NEIL1: variants seen among roughly 807,000 people sequenced by gnomAD.
NEIL1 encodes nei like DNA glycosylase 1, also known as endonuclease 8-like 1.
A neutral mutation model predicts 44.2 loss-of-function variants in NEIL1; 31 were observed. The ratio of observed to expected loss-of-function variants is 0.70; its 90% confidence interval spans 0.53 to 0.95. The LOEUF (loss-of-function observed/expected upper bound fraction) is 0.95, where lower values mean the gene tolerates loss of function less well. Among genes scored for constraint, NEIL1 ranks in the 40% least tolerant of loss-of-function variants. NEIL1 has a pLI of 0.00. For synonymous variants in NEIL1, 254 were observed against 209.7 expected (o/e 1.21, Z -1.83); for missense variants, 549 against 515.5 (o/e 1.07, Z -0.63).
intron 6 of NEIL1, 191 bp from the exon 7 acceptor site, chr15:75,354,059 A>T: frequency 9.8e-7 from 1 of 1,025,164 alleles, no homozygotes; most frequent in Non-Finnish European, 1.4e-6. Flanking sequence ...CAAGGCAGGT[A>T]GCCCAAGTGA....
In NEIL1 at chr15:75,352,979, A is replaced by C. The variant is rs986631523; in HGVS notation, c.718+278A>C. The C allele has an allele frequency of 6.9e-5, 23 of 332,012 alleles. No individual in the cohort carries two copies. The Admixed American group carries it at 1.0e-3, about 15-fold the overall frequency. 20.6% of individuals were successfully genotyped at this position (332,012 alleles called of 1,614,324 possible). ...ACATGGTGAAACCCCATCTCTACTA[A>C]AAATGCAAAAAATTAGCCAGGTGTG... On this transcript the variant is annotated intron_variant, in intron 5 of 9. Coordinates refer to ENST00000355059, the MANE Select transcript of NEIL1 (RefSeq NM_024608.4).
In NEIL1 at chr15:75,352,684, A is replaced by C; in HGVS notation, c.701A>C (p.Lys234Thr). Residue 234 changes from lysine (K) to threonine (T), a missense_variant, in exon 5 of 10, where the codon AAG becomes ACG. By Grantham distance (78) the Lys-to-Thr change is moderately conservative. Coordinates refer to ENST00000355059, the MANE Select transcript of NEIL1 (RefSeq NM_024608.4). ...CTGGAGCTATGTCACTCAGTGCCCA[A>C]GGAAGTGGTCCAGTTGGGTGAGGCC... ...DLLELCHSVPKEVVQLGGKGY... is the reference protein window; with the variant it reads ...DLLELCHSVPTEVVQLGGKGY... 6.2e-7 allele frequency: 1 copy of C among 1,612,180 alleles called. No homozygotes were observed. The highest frequency in any genetic ancestry group is 8.5e-7 in the Non-Finnish European group (1 of 1,179,080).
At chr15:75,354,330 G>A (rs1470747704) in intron 7 of NEIL1, 53 bp downstream of exon 7, 2 of 1,611,832 alleles carry the variant, frequency 1.2e-6, no homozygotes, top group Non-Finnish European at 1.7e-6. Flanking sequence ...CTTCACGCCT[G>A]CAAGGGCTAC....
chr15:75,354,708 T>A lies in NEIL1; in HGVS notation c.992T>A (p.Leu331His), dbSNP rs1308925537. 6.2e-7 allele frequency: 1 copy of A among 1,614,052 alleles called. No individual in the cohort carries two copies. The highest frequency in any genetic ancestry group is 8.5e-7 in the Non-Finnish European group (1 of 1,180,034). The stretch of plus-strand genomic sequence containing the variant: ...AGGACACGAAGGGCAAAGAGAGACC[T>A]TCCTAAGAGGACTGCAACCCAGCGG... ...PSRTRRAKRD[L>H]PKRTATQRPE... The change falls in exon 9 of 10, where the codon CTT becomes CAT. Residue 331 changes from leucine to histidine, a missense_variant. Leu to His is a moderately conservative substitution (Grantham distance 99). Coordinates refer to ENST00000355059, the MANE Select transcript of NEIL1 (RefSeq NM_024608.4).
In NEIL1 at chr15:75,356,874, G is replaced by A. The variant is rs971965169; in HGVS notation, c.*1840G>A. The stretch of plus-strand genomic sequence containing the variant: ...CAGGGCCAGCCCAAAGCCGTGTTCT[G>A]ACAGATCCATCCAGCGATGGGCCCA... On this transcript the variant is annotated 3_prime_UTR_variant, in exon 10 of 10. Transcript: ENST00000355059. This position sits in a 1 kb window ranked among gnomAD's most constrained non-coding sequence, Gnocchi z 5.8. 2 of 1,614,112 alleles carry A rather than the reference G, an allele frequency of 1.2e-6. No homozygotes were observed. The highest frequency in any genetic ancestry group is 1.6e-4 in the Middle Eastern group (1 of 6,062).
chr15:75,350,488 C>T (rs1434511556), intron 2 of NEIL1, among the ~76,000 whole-genome samples: 1 of 152,146 alleles, frequency 6.6e-6, no homozygotes, highest in African/African-American at 2.4e-5. Flanking sequence ...AGGAGCCAGC[C>T]AGAGGAAGGC....
chr15:75,351,151 C>T (rs370102855), intron 2 of NEIL1: 7 of 427,328 alleles, frequency 1.6e-5, no homozygotes, highest in East Asian at 1.4e-4. Context: ...CTCTAACCCA[C>T]CACAAATGCT....
At chr15:75,348,472 T>G in intron 1 of NEIL1, 1 of 1,031,690 alleles carries the variant, frequency 9.7e-7, no homozygotes, top group Non-Finnish European at 1.2e-6. Flanking sequence ...GGGTGCTCCC[T>G]CAGATGGGGG....
In NEIL1 at chr15:75,356,383, G is replaced by C; in HGVS notation, c.*1349G>C. The C allele has an allele frequency of 1.2e-6, 2 of 1,611,684 alleles. No homozygotes were observed. The highest frequency in any genetic ancestry group is 1.7e-6 in the Non-Finnish European group (2 of 1,179,208). ...GGTGGCGGGCGCTGGGCTGGGGGCT[G>C]GCAGAGCCAACAGGGGGAAGTTTAG... On this transcript the variant is annotated 3_prime_UTR_variant, in exon 10 of 10. Coordinates refer to ENST00000355059, the MANE Select transcript of NEIL1 (RefSeq NM_024608.4). The surrounding 1 kb of genome is among the most constrained non-coding windows in gnomAD (Gnocchi z 5.8).
intron 5 of NEIL1, 136 bp from the exon 6 acceptor site, chr15:75,353,603 C>T (rs1357105043): frequency 1.1e-6 from 1 of 938,906 alleles, no homozygotes; most frequent in Non-Finnish European, 1.8e-6. Flanking sequence ...GTCACATCAC[C>T]AGAGGAGGGA....
At chr15:75,349,763 G>A (rs1466227548) in intron 2 of NEIL1, 1 of 193,688 alleles carries the variant, frequency 5.2e-6, no homozygotes, top group African/African-American at 2.3e-5. Flanking sequence ...GCAGTGAGCT[G>A]AGACAGCACC....
At chr15:75,348,271 C>T (rs1375155447) in intron 1 of NEIL1, 10 of 951,164 alleles carry the variant, frequency 1.1e-5, no homozygotes, top group East Asian at 2.3e-4. Flanking sequence ...TGCGGCCAAG[C>T]GGCCGATTCG....
rs2072285318 is a variant in NEIL1 at position 75,356,117 on chromosome 15, C to T, written c.*1083C>T. On this transcript the variant is annotated 3_prime_UTR_variant, in exon 10 of 10. Transcript: ENST00000355059. The surrounding 1 kb of genome is among the most constrained non-coding windows in gnomAD (Gnocchi z 5.8). ...TCCCACACCGCCACTCACAGGATGG[C>T]CTCCTGAACCGGCAGCGACAAGTGC... 1.2e-6 allele frequency: 2 copies of T among 1,613,866 alleles called. No individual in the cohort carries two copies. Among genetic ancestry groups the T allele is most frequent in the East Asian group, 4.5e-5 (2 of 44,860 alleles).
intron 1 of NEIL1, 143 bp from the exon 2 acceptor site, chr15:75,348,741 G>T (rs2071636671): frequency 7.6e-6 from 11 of 1,441,998 alleles, no homozygotes; most frequent in Non-Finnish European, 8.2e-6. Context: ...ATTGAGGGCC[G>T]TGGCCAGGCC....
At chr15:75,349,382 A>G in intron 2 of NEIL1, 43 bp downstream of exon 2, 5 of 1,537,992 alleles carry the variant, frequency 3.3e-6, no homozygotes, top group Non-Finnish European at 3.5e-6. Context: ...CGCGGGCTCC[A>G]CACCTGACTC....
At position 75,356,339 on chromosome 15, in the gene NEIL1, C is replaced by T. The variant is rs3803467; in HGVS notation, c.*1305C>T. 87 of 1,612,492 alleles carry T rather than the reference C, an allele frequency of 5.4e-5. No individual in the cohort carries two copies. The East Asian group carries it at 1.0e-3, about 19-fold the overall frequency. ...TCCAATACGACCGCGGGTGAAGACA[C>T]GGAAAACGCACTCCAGGAGGTGGCG... is the stretch of plus-strand genomic sequence containing the variant. On this transcript the variant is annotated 3_prime_UTR_variant, in exon 10 of 10. Transcript: ENST00000355059. The surrounding 1 kb of genome is among the most constrained non-coding windows in gnomAD (Gnocchi z 5.8).
chr15:75,352,105 C>T lies in NEIL1; in HGVS notation c.435-6C>T. ...GGTCTTACGCACCCAGACCGTGTTC[C>T]TCCAGGGAGAATGTGCTACGAAACC... On this transcript the variant is annotated splice_region_variant and splice_polypyrimidine_tract_variant and intron_variant, in intron 2 of 9. Coordinates refer to ENST00000355059, the MANE Select transcript of NEIL1 (RefSeq NM_024608.4). 1 of 1,614,168 alleles carries T rather than the reference C, an allele frequency of 6.2e-7. No homozygotes were observed. Among genetic ancestry groups the T allele is most frequent in the Non-Finnish European group, 8.5e-7 (1 of 1,180,016 alleles).
intron 2 of NEIL1, 103 bp downstream of exon 2, chr15:75,349,442 C>T: frequency 8.9e-7 from 1 of 1,122,170 alleles, no homozygotes; most frequent in Non-Finnish European, 1.3e-6. Flanking sequence ...CCCTTCTGGG[C>T]CTCAGTTCTC....
chr15:75,351,906 G>A (rs142034741), intron 2 of NEIL1: 3 of 531,584 alleles, frequency 5.6e-6, no homozygotes, highest in East Asian at 7.0e-5. Flanking sequence ...ACAGGCATGA[G>A]CCACTGCACC....
Sources: allele counts gnomAD v4.1 joint callset (sites outside exome capture counted in the v4.1 genomes callset), GRCh38; gene constraint gnomAD v4.1.1; non-coding constraint Gnocchi (gnomAD v3.1); transcripts MANE v1.5; gene names NCBI Gene and HGNC (gene_info 2026-07-23, HGNC 2026-07-21).